Variants in SCAI observed in about 807,000 individuals in gnomAD.
The protein encoded by SCAI is protein SCAI.
In SCAI, 24 loss-of-function variants were observed where a neutral mutation model predicts 92.2. The ratio of observed to expected loss-of-function variants is 0.26; its 90% confidence interval spans 0.19 to 0.37. The LOEUF (loss-of-function observed/expected upper bound fraction) is 0.37. SCAI is among the 10% of genes least tolerant of loss of function. The probability of loss-of-function intolerance (pLI) is 1.00; values close to 1 mark genes in which losing one functional copy is unlikely to be tolerated. For synonymous variants in SCAI, 261 were observed against 258.6 expected (o/e 1.01, Z -0.09); for missense variants, 450 against 736.2 (o/e 0.61, Z 4.50).
At chr9:125,101,985 C>T (rs548867760) in intron 2 of SCAI, among the ~76,000 whole-genome samples, 6 of 152,156 alleles carry the variant, frequency 3.9e-5, no homozygotes, top group Admixed American at 1.3e-4. Flanking sequence ...TAGGCACATA[C>T]TGGTCTAGGG....
chr9:125,105,032 A>G (rs1324929892), intron 2 of SCAI, among the ~76,000 whole-genome samples: 1 of 152,060 alleles, frequency 6.6e-6, no homozygotes, highest in Non-Finnish European at 1.5e-5. Flanking sequence ...AAGGGGCTTG[A>G]CAGTTTTTCA....
At chr9:125,016,224 A>T (rs1167848705) in intron 9 of SCAI, among the ~76,000 whole-genome samples, 1 of 149,916 alleles carries the variant, frequency 6.7e-6, no homozygotes, top group Non-Finnish European at 1.5e-5. Flanking sequence ...AAATACAAAA[A>T]AAAAATACAA....
chr9:125,094,606 A>G (rs1834507007), intron 2 of SCAI, among the ~76,000 whole-genome samples: 1 of 151,986 alleles, frequency 6.6e-6, no homozygotes. Context: ...GGCTCAAGTG[A>G]CCCTTCCGCC....
intron 2 of SCAI, among the ~76,000 whole-genome samples, chr9:125,138,661 G>A (rs533256204): frequency 1.6e-4 from 24 of 152,114 alleles, no homozygotes; most frequent in African/African-American, 2.2e-4. Flanking sequence ...TGATCCGCCC[G>A]CCTTGGCCTC....
chr9:125,075,551 C>T (rs1834070886), intron 2 of SCAI, among the ~76,000 whole-genome samples: 1 of 151,454 alleles, frequency 6.6e-6, no homozygotes, highest in African/African-American at 2.4e-5. Context: ...GCATGCACCA[C>T]CACGTCCAGC....
At chr9:124,972,868 C>T (rs1366286924) in intron 15 of SCAI, among the ~76,000 whole-genome samples, 2 of 152,180 alleles carry the variant, frequency 1.3e-5, no homozygotes, top group African/African-American at 4.8e-5. Flanking sequence ...CTATCTCCAG[C>T]CATCTCCCTA....
chr9:125,140,488 A>G (rs1304004238), intron 2 of SCAI, among the ~76,000 whole-genome samples: 1 of 152,200 alleles, frequency 6.6e-6, no homozygotes, highest in African/African-American at 2.4e-5. Context: ...AGATCACATC[A>G]CTGCACTCCA....
At chr9:124,991,596 C>T (rs1366727772) in intron 14 of SCAI, among the ~76,000 whole-genome samples, 4 of 151,648 alleles carry the variant, frequency 2.6e-5, no homozygotes, top group African/African-American at 4.8e-5. Flanking sequence ...CCCAGCACTT[C>T]GGGAGGCTGA....
intron 2 of SCAI, among the ~76,000 whole-genome samples, chr9:125,076,431 G>A (rs1423212312): frequency 6.6e-6 from 1 of 152,104 alleles, no homozygotes; most frequent in East Asian, 1.9e-4. Flanking sequence ...CCCAGGGGGT[G>A]GAGGTTGTAG....
intron 2 of SCAI, among the ~76,000 whole-genome samples, chr9:125,090,032 G>A (rs2131194140): frequency 6.6e-6 from 1 of 152,244 alleles, no homozygotes; most frequent in South Asian, 2.1e-4. Context: ...TAGAAAAAAG[G>A]TTAGCCTAGA....
intron 2 of SCAI, among the ~76,000 whole-genome samples, chr9:125,088,960 C>G (rs1834376257): frequency 6.6e-6 from 1 of 152,108 alleles, no homozygotes; most frequent in African/African-American, 2.4e-5. Flanking sequence ...GCATCACCCC[C>G]CTACTTGTTT....
Position 125,006,447 on chromosome 9 carries a change from C to T in SCAI, c.862-2877G>A, listed in dbSNP as rs557489267. Among the ~76,000 whole-genome samples, 101 of 152,328 alleles carry T rather than the reference C, an allele frequency of 6.6e-4. 1 individual carries two copies. Among genetic ancestry groups the T allele is most frequent in the African/African-American group, 2.3e-3 (96 of 41,584 alleles). On this transcript the variant is annotated intron_variant, in intron 9 of 17. Coordinates refer to ENST00000336505, the MANE Select transcript of SCAI (RefSeq NM_001144877.3). ...AGAAGTAATTAAAATCATGATTAAG[C>T]CAATCAAAGGAATATGTAGAAAATA...
chr9:125,099,567 C>T (rs553783336), intron 2 of SCAI, among the ~76,000 whole-genome samples: 1 of 152,190 alleles, frequency 6.6e-6, no homozygotes, highest in Non-Finnish European at 1.5e-5. Flanking sequence ...CAGACGGCAG[C>T]TTTTCATCCT....
Position 125,039,384 on chromosome 9 carries a change from T to A in SCAI, c.231-9645A>T, listed in dbSNP as rs529322613. Reference sequence around the variant, plus strand: ...CCTGGCAACAGAGCGAGACTCCATCTCAAAAAAAAAAAAAAAAAAAGAAAA... The same window carrying A: ...CCTGGCAACAGAGCGAGACTCCATCACAAAAAAAAAAAAAAAAAAAGAAAA... On this transcript the variant is annotated intron_variant, in intron 3 of 17. Coordinates refer to ENST00000336505, the MANE Select transcript of SCAI (RefSeq NM_001144877.3). Among the ~76,000 whole-genome samples the A allele has an allele frequency of 3.0e-3, 262 of 86,946 alleles. 1 individual carries two copies. The highest frequency in any genetic ancestry group is 0.012 in the African/African-American group (250 of 21,616). The allele number at this position is 86,946 out of a possible 152,430, so 57.0% of individuals were successfully genotyped here. A position where few individuals can be genotyped will look rare whatever the true frequency, so the allele number is the denominator to read the frequency against.
rs1408661805 is a variant in SCAI, at chr9:124,946,198, AACAAC to A, written c.*6604_*6608del. On this transcript the variant is annotated 3_prime_UTR_variant, in exon 18 of 18. Coordinates refer to ENST00000336505, the MANE Select transcript of SCAI (RefSeq NM_001144877.3). The surrounding 1 kb of genome is among the most constrained non-coding windows in gnomAD (Gnocchi z 4.0). ...GCAAAAACAATGATTTGGTTATTCA[AACAAC>A]AAACCATCAGATCCTATGGATGTTT... is the stretch of plus-strand genomic sequence containing the variant. 12 of 152,208 alleles carry A rather than the reference AACAAC, an allele frequency of 7.9e-5. No homozygotes were observed. Among genetic ancestry groups the A allele is most frequent in the African/African-American group, 2.2e-4 (9 of 41,450 alleles). 9.4% of individuals were successfully genotyped at this position (152,208 alleles called of 1,614,324 possible).
At chr9:125,113,475 G>A (rs1834970121) in intron 2 of SCAI, among the ~76,000 whole-genome samples, 1 of 152,052 alleles carries the variant, frequency 6.6e-6, no homozygotes, top group Non-Finnish European at 1.5e-5. Context: ...CTGTAATGTG[G>A]TATCCTGGGT....
intron 2 of SCAI, among the ~76,000 whole-genome samples, chr9:125,064,711 T>C (rs1365108762): frequency 3.9e-5 from 6 of 152,064 alleles, no homozygotes; most frequent in Admixed American, 2.0e-4. Context: ...CTGGGCATGG[T>C]GGTGGGTGCC....
chr9:125,006,177 C>T (rs1333146217), intron 9 of SCAI, among the ~76,000 whole-genome samples: 1 of 152,086 alleles, frequency 6.6e-6, no homozygotes, highest in African/African-American at 2.4e-5. Context: ...AAAAAAGGCA[C>T]GCCTGATTCA....
At chr9:125,036,681 G>T (rs1221823916) in intron 3 of SCAI, among the ~76,000 whole-genome samples, 1 of 152,140 alleles carries the variant, frequency 6.6e-6, no homozygotes. Context: ...GAGCACAAAA[G>T]GTATGTATAG....
Sources: gnomAD v4.1 joint callset for allele counts (sites outside exome capture counted in the v4.1 genomes callset) on GRCh38, gnomAD v4.1.1 for gene constraint, Gnocchi (gnomAD v3.1) non-coding constraint, MANE v1.5 for transcripts, NCBI Gene and HGNC (gene_info 2026-07-23, HGNC 2026-07-21) for gene names.